Variants in C1orf21 observed in about 807,000 individuals in gnomAD.
C1orf21 encodes the protein uncharacterized protein C1orf21.
C1orf21 carries 3 observed loss-of-function variants against 18.7 expected under a neutral mutation model. The ratio of observed to expected loss-of-function variants is 0.16; its 90% CI spans 0.07 to 0.42. The LOEUF (loss-of-function observed/expected upper bound fraction) is 0.42. C1orf21 is among the 10% of genes least tolerant of loss of function. The pLI is 0.99. For missense variants in C1orf21, 104 were observed against 143.6 expected (o/e 0.72, Z 1.41); for synonymous variants, 41 against 46.4 (o/e 0.88, Z 0.47).
chr1:184,595,092 G>A (rs1464603358), intron 4 of C1orf21, among the ~76,000 whole-genome samples: 2 of 152,222 alleles, frequency 1.3e-5, no homozygotes, highest in Non-Finnish European at 2.9e-5. Context: ...GGCACAGGGA[G>A]TGCTCCAGTG....
chr1:184,567,535 C>G, intron 3 of C1orf21: 1 of 523,114 alleles, frequency 1.9e-6, no homozygotes, highest in Non-Finnish European at 3.8e-6. Flanking sequence ...TCCTTGACAT[C>G]TGCTGTGGAA....
chr1:184,584,293 G>A (rs1482477124), intron 3 of C1orf21, among the ~76,000 whole-genome samples: 2 of 151,904 alleles, frequency 1.3e-5, no homozygotes, highest in East Asian at 1.9e-4. Flanking sequence ...TGCTCCTAAG[G>A]TGGATTTTCT....
At chr1:184,604,195 A>G (rs1659621226) in intron 5 of C1orf21, among the ~76,000 whole-genome samples, 1 of 152,236 alleles carries the variant, frequency 6.6e-6, no homozygotes, top group East Asian at 1.9e-4. Context: ...TGTGGTGGAT[A>G]TGATGATGGG....
chr1:184,606,115 G>A (rs1405148981), intron 5 of C1orf21, among the ~76,000 whole-genome samples: 1 of 152,212 alleles, frequency 6.6e-6, no homozygotes, highest in African/African-American at 2.4e-5. Flanking sequence ...AACACTTACA[G>A]AGCCATTAAA....
At chr1:184,493,959 C>T (rs1470424143) in intron 2 of C1orf21, among the ~76,000 whole-genome samples, 5 of 152,150 alleles carry the variant, frequency 3.3e-5, no homozygotes, top group Admixed American at 2.0e-4. Flanking sequence ...ATACTATAAA[C>T]TGGATTTTAC....
intron 3 of C1orf21, among the ~76,000 whole-genome samples, chr1:184,544,758 C>T (rs1190850095): frequency 6.6e-6 from 1 of 152,146 alleles, no homozygotes; most frequent in Non-Finnish European, 1.5e-5. Context: ...ATTTGTGGTT[C>T]AGGGTCTCTC....
In C1orf21 at chr1:184,590,812, C is replaced by T. The variant is rs149800099; in HGVS notation, c.263C>T (p.Ala88Val). ...CCGGGATTAGTTCATCAACCCAGAG[C>T]AAAGTAAGTTCTAGTTTCTGTTTTC... Reference protein sequence around the residue: ...EVPGLVHQPRANMHISESQQE... With the variant: ...EVPGLVHQPRVNMHISESQQE... Residue 88 changes from alanine (A) to valine (V), a missense_variant, in exon 4 of 6, where the codon GCA (alanine) becomes GTA (valine). By Grantham distance (64) the Ala-to-Val change is moderately conservative. Transcript: ENST00000235307. 3 of 1,613,050 alleles carry T rather than the reference C, an allele frequency of 1.9e-6. No individual in the cohort carries two copies. In the Admixed American group the frequency reaches 5.0e-5, roughly 27 times the overall value.
intron 1 of C1orf21, among the ~76,000 whole-genome samples, chr1:184,442,360 C>T (rs1365553230): frequency 6.6e-6 from 1 of 152,064 alleles, no homozygotes; most frequent in East Asian, 1.9e-4. Context: ...TCACTTTGCC[C>T]CTCTGAGTTT....
At chr1:184,415,687 T>C (rs1656438731) in intron 1 of C1orf21, among the ~76,000 whole-genome samples, 1 of 152,198 alleles carries the variant, frequency 6.6e-6, no homozygotes, top group Non-Finnish European at 1.5e-5. Context: ...CCACCTCCTA[T>C]ATTTTTAGGT....
At chr1:184,481,664 C>T (rs918154853) in intron 2 of C1orf21, among the ~76,000 whole-genome samples, 1 of 152,174 alleles carries the variant, frequency 6.6e-6, no homozygotes, top group Non-Finnish European at 1.5e-5. Context: ...TTTTCTTCAT[C>T]CTCCCAACAC....
intron 4 of C1orf21, 55 bp from the exon 5 acceptor site, chr1:184,598,346 G>A: frequency 6.5e-7 from 1 of 1,536,608 alleles, no homozygotes; most frequent in African/African-American, 1.4e-5. Flanking sequence ...TCCTTTGAGG[G>A]GACCAGGTTT....
intron 3 of C1orf21, among the ~76,000 whole-genome samples, chr1:184,586,395 T>C (rs1659353699): frequency 6.6e-6 from 1 of 151,492 alleles, no homozygotes; most frequent in South Asian, 2.1e-4. Context: ...GCCATTCTCC[T>C]GCCTCAGCCT....
chr1:184,391,725 T>C (rs905151498), intron 1 of C1orf21, among the ~76,000 whole-genome samples: 1 of 152,066 alleles, frequency 6.6e-6, no homozygotes, highest in Non-Finnish European at 1.5e-5. Context: ...TTCTTTTTTT[T>C]TTTTCGAGAC....
intron 2 of C1orf21, among the ~76,000 whole-genome samples, chr1:184,500,174 A>G (rs986263587): frequency 2.0e-5 from 3 of 152,164 alleles, no homozygotes; most frequent in African/African-American, 7.2e-5. Flanking sequence ...CTTGGTTTGC[A>G]GTGCACCTTC....
At chr1:184,526,277 T>C (rs1233507463) in intron 3 of C1orf21, among the ~76,000 whole-genome samples, 2 of 152,212 alleles carry the variant, frequency 1.3e-5, no homozygotes, top group African/African-American at 2.4e-5. Flanking sequence ...TTAAGGTCAC[T>C]GTTAAAAACA....
intron 4 of C1orf21, among the ~76,000 whole-genome samples, chr1:184,595,423 A>G (rs1388497333): frequency 1.3e-5 from 2 of 152,350 alleles, no homozygotes; most frequent in Non-Finnish European, 2.9e-5. Context: ...ACTGTTTTCT[A>G]CAGTGCAGTT....
chr1:184,444,181 C>G (rs911099954), intron 1 of C1orf21, among the ~76,000 whole-genome samples: 8 of 152,194 alleles, frequency 5.3e-5, no homozygotes, highest in Middle Eastern at 3.4e-3. Flanking sequence ...GCCTCTTATC[C>G]CCAGCTTTGT....
At chr1:184,531,308 C>T (rs1557995415) in intron 3 of C1orf21, among the ~76,000 whole-genome samples, 2 of 152,166 alleles carry the variant, frequency 1.3e-5, no homozygotes, top group African/African-American at 4.8e-5. Flanking sequence ...TCTCTACACT[C>T]TATTTTCTAT....
chr1:184,487,545 A>G (rs934022940), intron 2 of C1orf21, among the ~76,000 whole-genome samples: 4 of 152,216 alleles, frequency 2.6e-5, no homozygotes, highest in African/African-American at 9.6e-5. Flanking sequence ...GGAATAACAC[A>G]TTGATATTAA....
Sources: allele counts gnomAD v4.1 joint callset (sites outside exome capture counted in the v4.1 genomes callset), GRCh38; gene constraint gnomAD v4.1.1; transcripts MANE v1.5; gene names NCBI Gene and HGNC (gene_info 2026-07-23, HGNC 2026-07-21).